Variants in ACTN1 observed in about 807,000 individuals in gnomAD.
The protein encoded by ACTN1 is alpha-actinin-1.
Under a neutral mutation model 119.6 loss-of-function variants are expected in ACTN1, and 30 were observed. The ratio of observed to expected loss-of-function variants is 0.25; its 90% CI spans 0.19 to 0.34. ACTN1 has a LOEUF of 0.34. ACTN1 is among the 10% of genes least tolerant of loss of function. The pLI is 1.00. For missense variants in ACTN1, 764 were observed against 1,223.4 expected, an observed-to-expected ratio of 0.62 and a Z score of 5.60; for synonymous variants, 429 against 472.6, an observed-to-expected ratio of 0.91 and a Z score of 1.20.
intron 2 of ACTN1, among the ~76,000 whole-genome samples, chr14:68,922,260 C>A (rs2034689912): frequency 6.6e-6 from 1 of 152,246 alleles, no homozygotes; most frequent in Non-Finnish European, 1.5e-5. Context: ...CAGGCCCACC[C>A]TGTCAGAGCA....
chr14:68,909,864 T>G lies in ACTN1; in HGVS notation c.515+91A>C. ...TCCCCCAGAGGTCTCCACTTTGTTC[T>G]AAAGCTGAGACTGACCCAGCCAAGG... is the stretch of plus-strand genomic sequence containing the variant. On this transcript the variant is annotated intron_variant, in intron 5 of 21. Transcript: ENST00000394419. The surrounding 1 kb of genome is among the most constrained non-coding windows in gnomAD (Gnocchi z 4.1). 1 of 1,113,620 alleles carries G rather than the reference T, an allele frequency of 9.0e-7. No individual in the cohort carries two copies. The highest frequency in any genetic ancestry group is 1.3e-6 in the Non-Finnish European group (1 of 750,832). 69.0% of individuals were successfully genotyped at this position (1,113,620 alleles called of 1,614,324 possible).
intron 1 of ACTN1, among the ~76,000 whole-genome samples, chr14:68,955,082 T>A (rs976156350): frequency 6.6e-6 from 1 of 152,168 alleles, no homozygotes; most frequent in Non-Finnish European, 1.5e-5. Context: ...ATCATCAGCC[T>A]CCCTCTATTT....
chr14:68,968,085 C>A (rs557989042), intron 1 of ACTN1, among the ~76,000 whole-genome samples: 1 of 152,210 alleles, frequency 6.6e-6, no homozygotes, highest in East Asian at 1.9e-4. Context: ...AATCTCAAGC[C>A]CAGGAAAAGA....
At chr14:68,884,707 C>G in intron 13 of ACTN1, 68 bp downstream of exon 13, 1 of 1,339,502 alleles carries the variant, frequency 7.5e-7, no homozygotes, top group Admixed American at 1.7e-5. Context: ...CAAAGAGAGT[C>G]AAGAAGCAGG....
chr14:68,925,816 T>G lies in ACTN1; in HGVS notation c.106-144A>C. Reference sequence around the variant, plus strand: ...CACAGTTGCCCCACCATGGTCTCATTCACTGCATCAACCAAGCACTGAGCT... The same window carrying G: ...CACAGTTGCCCCACCATGGTCTCATGCACTGCATCAACCAAGCACTGAGCT... On this transcript the variant is annotated intron_variant, in intron 1 of 21. Transcript: ENST00000394419. This position sits in a 1 kb window ranked among gnomAD's most constrained non-coding sequence, Gnocchi z 4.3. 1 of 598,926 alleles carries G rather than the reference T, an allele frequency of 1.7e-6. No homozygotes were observed. The allele number at this position is 598,926 out of a possible 1,614,324, so 37.1% of individuals were successfully genotyped here. A position where few individuals can be genotyped will look rare whatever the true frequency, so the allele number is the denominator to read the frequency against.
rs76027746 is a variant in ACTN1, at chr14:68,916,600, G to A, written c.341-4358C>T. On this transcript the variant is annotated intron_variant, in intron 3 of 21. Coordinates refer to ENST00000394419, the MANE Select transcript of ACTN1 (RefSeq NM_001130004.2). ...CTCCTTCCCCTTCCCTGGCATGGCA[G>A]GTCCTGTATACCGGGCCTCCGGCTT... Among the ~76,000 whole-genome samples, 28 of 152,302 alleles carry A rather than the reference G, an allele frequency of 1.8e-4. 1 individual carries two copies. The East Asian group carries it at 5.2e-3, about 28-fold the overall frequency.
chr14:68,902,666 A>G, intron 7 of ACTN1, 104 bp from the exon 8 acceptor site: 1 of 941,616 alleles, frequency 1.1e-6, no homozygotes, highest in South Asian at 1.4e-5. Context: ...TCTTCTTGCC[A>G]AAATGTGGAG....
At chr14:68,944,903 T>G (rs533381878) in intron 1 of ACTN1, among the ~76,000 whole-genome samples, 2 of 145,768 alleles carry the variant, frequency 1.4e-5, no homozygotes, top group African/African-American at 4.9e-5. Context: ...CGTGTGTGGG[T>G]CAGGTAGCTG....
Position 68,874,185 on chromosome 14 carries a change from T to C in ACTN1, c.*674A>G, listed in dbSNP as rs2140014456. 1 of 152,348 alleles carries C rather than the reference T, an allele frequency of 6.6e-6. No homozygotes were observed. Among genetic ancestry groups the C allele is most frequent in the East Asian group, 1.9e-4 (1 of 5,334 alleles). 9.4% of individuals were successfully genotyped at this position (152,348 alleles called of 1,614,324 possible). ...CAAGCAATATCAAAGTTGTCCATAC[T>C]CTCCAAGTTTGTCCTATTTTTAATA... On this transcript the variant is annotated 3_prime_UTR_variant, in exon 22 of 22. Transcript: ENST00000394419.
intron 8 of ACTN1, among the ~76,000 whole-genome samples, chr14:68,894,083 G>A (rs1432803880): frequency 1.3e-5 from 2 of 152,168 alleles, no homozygotes; most frequent in East Asian, 3.9e-4. Flanking sequence ...GGAGAGGTGA[G>A]AAAATTCATG....
intron 8 of ACTN1, among the ~76,000 whole-genome samples, chr14:68,899,229 CCA>C (rs1332097296): frequency 1.4e-5 from 2 of 143,868 alleles, no homozygotes; most frequent in East Asian, 4.3e-4. Flanking sequence ...ACACCACACC[CCA>C]CACACACAGC....
chr14:68,892,100 G>C lies in ACTN1; in HGVS notation c.1039C>G (p.Leu347Val). 3.1e-6 allele frequency: 5 copies of C among 1,613,958 alleles called. No homozygotes were observed. Among genetic ancestry groups the C allele is most frequent in the Non-Finnish European group, 4.2e-6 (5 of 1,179,992 alleles). Residue 347 changes from leucine (L) to valine (V), a missense_variant, in exon 10 of 22, where the codon CTC becomes GTC. Leu to Val is a conservative substitution (Grantham distance 32). Coordinates refer to ENST00000394419, the MANE Select transcript of ACTN1 (RefSeq NM_001130004.2). Reference protein sequence around the residue: ...NFNTLQTKLRLSNRPAFMPSE... With the variant: ...NFNTLQTKLRVSNRPAFMPSE... ...GGCATGAAGGCAGGCCGGTTGCTGA[G>C]CCGCAGCTTGGTCTGCAGCGTGTTG...
chr14:68,939,198 A>C (rs2035677893), intron 1 of ACTN1, among the ~76,000 whole-genome samples: 1 of 152,198 alleles, frequency 6.6e-6, no homozygotes. Flanking sequence ...AGCCACTTTA[A>C]AACAGGTGGA....
intron 1 of ACTN1, among the ~76,000 whole-genome samples, chr14:68,957,981 G>A (rs985851679): frequency 1.3e-5 from 2 of 152,294 alleles, no homozygotes; most frequent in South Asian, 2.1e-4. Context: ...CTTGAGGAAC[G>A]TGGTCAGGAG....
intron 3 of ACTN1, among the ~76,000 whole-genome samples, chr14:68,917,406 C>T (rs909865055): frequency 6.6e-6 from 1 of 152,166 alleles, no homozygotes; most frequent in African/African-American, 2.4e-5. Context: ...GCATGATAAT[C>T]CTTCAAAGAC....
At chr14:68,897,714 C>T (rs7152086) in intron 8 of ACTN1, among the ~76,000 whole-genome samples, 8,154 of 152,298 alleles carry the variant, frequency 0.054, 296 homozygotes, top group Middle Eastern at 0.095. Flanking sequence ...CCAGTCTTTC[C>T]CTCTGTCCGG....
At position 68,890,282 on chromosome 14, in the gene ACTN1, A is replaced by G. The variant is rs1054373483; in HGVS notation, c.1091T>C (p.Ile364Thr). Residue 364 changes from isoleucine (I) to threonine (T), a missense_variant, in exon 11 of 22, where the codon ATC (isoleucine) becomes ACC (threonine). This residue lies in a region of ACTN1 where 544 missense variants were observed against 912.0 expected (regional missense o/e 0.60). Coordinates refer to ENST00000394419, the MANE Select transcript of ACTN1 (RefSeq NM_001130004.2). ...CTCCAGGCAGCCCCAGGCATTGTTG[A>G]TGTCCTGTGGGGATGGGAGGTACAG... ...MPSEGRMVSDINNAWGCLEQV... is the reference protein window; with the variant it reads ...MPSEGRMVSDTNNAWGCLEQV... The G allele has an allele frequency of 4.3e-6, 7 of 1,614,146 alleles. No homozygotes were observed. In the Admixed American group the frequency reaches 6.7e-5, roughly 15 times the overall value.
At chr14:68,930,118 T>A (rs2035153393) in intron 1 of ACTN1, among the ~76,000 whole-genome samples, 1 of 152,196 alleles carries the variant, frequency 6.6e-6, no homozygotes, top group Admixed American at 6.5e-5. Context: ...GGAATATGGC[T>A]TTTGAGAACG....
At position 68,880,464 on chromosome 14, in the gene ACTN1, TAC is replaced by T. The variant is rs150904596; in HGVS notation, c.2133+344_2133+345del. Among the ~76,000 whole-genome samples the T allele has an allele frequency of 6.6e-6, 1 of 151,264 alleles. No homozygotes were observed. The highest frequency in any genetic ancestry group is 1.5e-5 in the Non-Finnish European group (1 of 67,794). On this transcript the variant is annotated intron_variant, in intron 17 of 21. Coordinates refer to ENST00000394419, the MANE Select transcript of ACTN1 (RefSeq NM_001130004.2). The surrounding 1 kb of genome is among the most constrained non-coding windows in gnomAD (Gnocchi z 4.6). ...CCACAGCCACGCGCGCACACACACA[TAC>T]ACACACACACACTCTTGCACAGTTA...
Sources: allele counts gnomAD v4.1 joint callset (sites outside exome capture counted in the v4.1 genomes callset), GRCh38; gene constraint gnomAD v4.1.1; regional missense constraint gnomAD v4.1.1; non-coding constraint Gnocchi (gnomAD v3.1); transcripts MANE v1.5; gene names NCBI Gene and HGNC (gene_info 2026-07-23, HGNC 2026-07-21).